The following TACC1 variants were observed in gnomAD, a reference collection of about 807,000 sequenced individuals.
The protein encoded by TACC1 is transforming acidic coiled-coil-containing protein 1.
Under a neutral mutation model 84.4 loss-of-function variants are expected in TACC1, and 48 were observed. The observed-to-expected ratio is 0.57, with a 90% CI of 0.45 to 0.72. The LOEUF (loss-of-function observed/expected upper bound fraction) is 0.72. TACC1 is among the 30% of genes least tolerant of loss of function. TACC1 has a pLI of 0.00. For missense variants in TACC1, 920 were observed against 973.0 expected (o/e 0.95, Z 0.72); for synonymous variants, 372 against 376.3 (o/e 0.99, Z 0.13).
At position 38,820,665 on chromosome 8, in the gene TACC1, C is replaced by T. The variant is rs755070908; in HGVS notation, c.1391+30C>T. 7 of 1,579,602 alleles carry T rather than the reference C, an allele frequency of 4.4e-6. No individual in the cohort carries two copies. In the South Asian group the frequency reaches 4.6e-5, roughly 10 times the overall value. ...GTGACAGTGGGCGCTGGGTGTCGTG[C>T]TCTGTGTCTTGTCTGTTGAGTTTGG... On this transcript the variant is annotated intron_variant, in intron 3 of 12. Transcript: ENST00000317827.
chr8:38,811,702 C>T (rs1824185412), intron 2 of TACC1, among the ~76,000 whole-genome samples: 1 of 152,110 alleles, frequency 6.6e-6, no homozygotes, highest in Admixed American at 6.6e-5. Context: ...ACGTCAGGAC[C>T]ACTATTGTAC....
chr8:38,766,196 T>C (rs1812212981), intron 3 of TACC1, among the ~76,000 whole-genome samples: 1 of 152,246 alleles, frequency 6.6e-6, no homozygotes, highest in Admixed American at 6.5e-5. Context: ...ATCCCTTACT[T>C]TGACATTGCT....
chr8:38,826,534 A>G (rs1828097344), intron 4 of TACC1, among the ~76,000 whole-genome samples: 2 of 152,200 alleles, frequency 1.3e-5, no homozygotes, highest in Non-Finnish European at 2.9e-5. Context: ...TTAAAGAAAA[A>G]AGTTTCACAG....
At position 38,851,081 on chromosome 8, in the gene TACC1, TG is replaced by T. The variant is rs1447220579; in HGVS notation, c.*3060del. 1 of 152,370 alleles carries T rather than the reference TG, an allele frequency of 6.6e-6. No individual in the cohort carries two copies. Among genetic ancestry groups the T allele is most frequent in the African/African-American group, 2.4e-5 (1 of 41,456 alleles). 9.4% of individuals were successfully genotyped at this position (152,370 alleles called of 1,614,324 possible). On this transcript the variant is annotated 3_prime_UTR_variant, in exon 13 of 13. Transcript: ENST00000317827. ...AACCTTTTGTTCTGTAAAACTGCTC[TG>T]GAAATACCGGGAAGCCCAGTTTTCT...
chr8:38,806,969 C>T (rs184099503), intron 2 of TACC1, among the ~76,000 whole-genome samples: 145 of 152,252 alleles, frequency 9.5e-4, no homozygotes, highest in Middle Eastern at 6.8e-3. Flanking sequence ...TACCCTCGCC[C>T]AGGTTTGATA....
At chr8:38,760,913 A>G (rs1354175467) in intron 3 of TACC1, among the ~76,000 whole-genome samples, 1 of 152,222 alleles carries the variant, frequency 6.6e-6, no homozygotes, top group Non-Finnish European at 1.5e-5. Context: ...ACACATTTGC[A>G]CATGTATGTA....
chr8:38,809,517 G>A (rs1033456106), intron 2 of TACC1, among the ~76,000 whole-genome samples: 4 of 152,134 alleles, frequency 2.6e-5, no homozygotes, highest in African/African-American at 4.8e-5. Context: ...CAGGGACTCA[G>A]TTTGGTAAAA....
chr8:38,744,405 C>T (rs548448604), intron 2 of TACC1, among the ~76,000 whole-genome samples: 27 of 152,056 alleles, frequency 1.8e-4, no homozygotes, highest in African/African-American at 2.4e-4. Flanking sequence ...CAGGAGCCAC[C>T]GCACCGAGCC....
intron 3 of TACC1, among the ~76,000 whole-genome samples, chr8:38,761,394 T>C (rs1341646539): frequency 2.0e-5 from 3 of 152,248 alleles, no homozygotes; most frequent in African/African-American, 4.8e-5. Context: ...ATTTGGAATT[T>C]AGCATAAGGT....
chr8:38,827,456 C>G, intron 5 of TACC1, 81 bp downstream of exon 5: 1 of 1,434,400 alleles, frequency 7.0e-7, no homozygotes, highest in East Asian at 2.3e-5. Context: ...AGGAGCCTTA[C>G]AGAGATTAAA....
Position 38,847,430 on chromosome 8 carries a change from C to G in TACC1, c.2350-525C>G, listed in dbSNP as rs1832516552. Among the ~76,000 whole-genome samples the G allele has an allele frequency of 2.0e-5, 3 of 152,244 alleles. No individual in the cohort carries two copies. The South Asian group carries it at 6.2e-4, about 31-fold the overall frequency. On this transcript the variant is annotated intron_variant, in intron 12 of 12. Coordinates refer to ENST00000317827, the MANE Select transcript of TACC1 (RefSeq NM_006283.3). ...CCAGGACTAGCAACAATCCCTGTTT[C>G]TCACTAAGCAATTTTTAGCTTTCCG...
chr8:38,729,570 T>TA (rs1408722686), intron 1 of TACC1, among the ~76,000 whole-genome samples: 1 of 152,158 alleles, frequency 6.6e-6, no homozygotes, highest in African/African-American at 2.4e-5. Context: ...CTTTTGAACT[T>TA]AAAAAACGTC....
intron 1 of TACC1, among the ~76,000 whole-genome samples, chr8:38,738,585 G>A (rs937017536): frequency 6.6e-6 from 1 of 151,796 alleles, no homozygotes; most frequent in Non-Finnish European, 1.5e-5. Context: ...CGCCCATTGA[G>A]CGCTCTCTCA....
At chr8:38,841,993 T>C (rs1831366213) in intron 9 of TACC1, among the ~76,000 whole-genome samples, 1 of 152,154 alleles carries the variant, frequency 6.6e-6, no homozygotes, top group African/African-American at 2.4e-5. Context: ...TTCTCCCAGG[T>C]AGCTGTATGG....
chr8:38,803,430 T>C (rs186999064), intron 2 of TACC1, among the ~76,000 whole-genome samples: 5 of 152,220 alleles, frequency 3.3e-5, no homozygotes, highest in African/African-American at 1.2e-4. Context: ...ATTGAGGAAG[T>C]TCTCTTCTAG....
intron 3 of TACC1, among the ~76,000 whole-genome samples, chr8:38,771,860 C>T (rs1276834865): frequency 6.6e-6 from 1 of 152,176 alleles, no homozygotes; most frequent in East Asian, 1.9e-4. Flanking sequence ...CTCAGCCTCC[C>T]TCCCAAGTAG....
chr8:38,793,866 G>C (rs748498265), intron 2 of TACC1, among the ~76,000 whole-genome samples: 9 of 152,196 alleles, frequency 5.9e-5, no homozygotes, highest in Non-Finnish European at 8.8e-5. Flanking sequence ...TCTGGCAAAA[G>C]TCTAACATAT....
intron 11 of TACC1, 119 bp from the exon 12 acceptor site, chr8:38,846,580 C>T: frequency 1.7e-6 from 2 of 1,192,360 alleles, no homozygotes; most frequent in Non-Finnish European, 2.3e-6. Context: ...TTCTCTCATG[C>T]AGTCAATTCT....
chr8:38,766,788 G>C (rs1218220223), intron 3 of TACC1, among the ~76,000 whole-genome samples: 1 of 152,152 alleles, frequency 6.6e-6, no homozygotes, highest in African/African-American at 2.4e-5. Flanking sequence ...GAGAAACTAA[G>C]GCCACAGAGC....
Sources: gnomAD v4.1 joint callset for allele counts (sites outside exome capture counted in the v4.1 genomes callset) on GRCh38, gnomAD v4.1.1 for gene constraint, MANE v1.5 for transcripts, NCBI Gene and HGNC (gene_info 2026-07-23, HGNC 2026-07-21) for gene names.